ZMYM2: variants seen among roughly 807,000 people sequenced by gnomAD.
ZMYM2 encodes zinc finger MYM-type protein 2.
ZMYM2 carries 56 observed loss-of-function variants against 162.8 expected under a neutral mutation model. That is an observed-to-expected ratio of 0.34 (90% CI 0.28 to 0.43). The LOEUF (loss-of-function observed/expected upper bound fraction) is 0.43, where lower values mean the gene tolerates loss of function less well. Ranked by LOEUF, ZMYM2 falls within the 20% of genes least tolerant of loss-of-function variation. The pLI, the probability that ZMYM2 is intolerant of heterozygous loss-of-function variation, is 1.00. For synonymous variants in ZMYM2, 510 were observed against 541.6 expected (o/e 0.94, Z 0.81); for missense variants, 1,275 against 1,621.8 (o/e 0.79, Z 3.67).
chr13:20,015,850 T>C (rs139827705), intron 6 of ZMYM2, among the ~76,000 whole-genome samples: 158 of 152,184 alleles, frequency 1.0e-3, no homozygotes, highest in Admixed American at 8.6e-3. Flanking sequence ...ATCCTTTTAC[T>C]TTTGACCTGT....
chr13:19,922,432 T>C, the ZMYM2 span, among the ~76,000 whole-genome samples: 1 of 152,230 alleles, frequency 6.6e-6, no homozygotes, highest in African/African-American at 2.4e-5. Flanking sequence ...ACGTCATACA[T>C]GCTTCTAGGG....
At chr13:19,868,797 C>T in the ZMYM2 span, among the ~76,000 whole-genome samples, 1 of 152,278 alleles carries the variant, frequency 6.6e-6, no homozygotes, top group African/African-American at 2.4e-5. Context: ...GTTGCCCAGG[C>T]TGGAGTGCAG....
chr13:20,074,653 C>T (rs1326167880), intron 21 of ZMYM2, among the ~76,000 whole-genome samples: 1 of 151,976 alleles, frequency 6.6e-6, no homozygotes, highest in East Asian at 1.9e-4. Flanking sequence ...ATTCTCCTGC[C>T]TCAGCCTCCC....
upstream of ZMYM2, among the ~76,000 whole-genome samples, chr13:19,955,212 T>C (rs1041844412): frequency 6.6e-6 from 1 of 152,038 alleles, no homozygotes; most frequent in South Asian, 2.1e-4. Context: ...GATATCAATA[T>C]GGTCCTAGTA....
At chr13:19,870,092 CAT>C in the ZMYM2 span, among the ~76,000 whole-genome samples, 3 of 152,194 alleles carry the variant, frequency 2.0e-5, no homozygotes, top group Admixed American at 6.6e-5. Flanking sequence ...TAAGCCCACT[CAT>C]GTGGCTATTA....
intron 21 of ZMYM2, among the ~76,000 whole-genome samples, chr13:20,078,593 C>T (rs1328864016): frequency 3.3e-5 from 5 of 152,060 alleles, no homozygotes; most frequent in Admixed American, 3.3e-4. Context: ...GTACTAGTAC[C>T]ATAATTTCTG....
At chr13:19,917,252 A>G in the ZMYM2 span, among the ~76,000 whole-genome samples, 60 of 151,922 alleles carry the variant, frequency 3.9e-4, no homozygotes, top group South Asian at 8.4e-4. Context: ...ATGAGCCACC[A>G]CGCCCGGCTT....
intron 21 of ZMYM2, among the ~76,000 whole-genome samples, chr13:20,077,973 A>G (rs1362493714): frequency 6.7e-6 from 1 of 150,276 alleles, no homozygotes; most frequent in Non-Finnish European, 1.5e-5. Context: ...GCCCGCCACC[A>G]CGCCCGGCTA....
chr13:19,979,376 G>A lies in ZMYM2; in HGVS notation c.-10-13687G>A, dbSNP rs575537794. 1.4e-3 allele frequency among the ~76,000 whole-genome samples: 209 copies of A among 149,582 alleles called. 1 individual carries two copies. The highest frequency in any genetic ancestry group is 5.5e-3 in the South Asian group (26 of 4,758). On this transcript the variant is annotated intron_variant, in intron 2 of 24. Transcript: ENST00000610343. Reference sequence around the variant, plus strand: ...CTGATTCCCCCAGTCTTTATAGATCGCAGATTTTTTACTTGTTGAGGGATA... The same window carrying A: ...CTGATTCCCCCAGTCTTTATAGATCACAGATTTTTTACTTGTTGAGGGATA...
At chr13:20,010,538 G>A (rs549756816) in intron 6 of ZMYM2, among the ~76,000 whole-genome samples, 14 of 152,176 alleles carry the variant, frequency 9.2e-5, no homozygotes, top group African/African-American at 2.6e-4. Flanking sequence ...GGCCATTTGT[G>A]TATCATCTTT....
chr13:19,949,984 AAAAG>A, the ZMYM2 span, among the ~76,000 whole-genome samples: 1 of 151,872 alleles, frequency 6.6e-6, no homozygotes, highest in East Asian at 1.9e-4. Context: ...GAAAGGAAGA[AAAAG>A]AAAGAAAGAC....
intron 2 of ZMYM2, among the ~76,000 whole-genome samples, chr13:19,980,176 G>A (rs1035443590): frequency 2.0e-5 from 3 of 151,654 alleles, no homozygotes; most frequent in Non-Finnish European, 2.9e-5. Context: ...GGGGTAGGTG[G>A]CTCCCCAAAT....
rs141405299 is a variant in ZMYM2 at position 20,000,170 on chromosome 13, T to C, written c.848-2680T>C. Among the ~76,000 whole-genome samples, 40 of 152,266 alleles carry C rather than the reference T, an allele frequency of 2.6e-4. 1 individual carries two copies. Among genetic ancestry groups the C allele is most frequent in the Admixed American group, 2.6e-3 (40 of 15,278 alleles). ...TAGAAGATCAAACCAACTATGACATTTCCTTAAGCCAAAGCTTAATCCAGA... is the reference window on the plus strand; with the variant it reads ...TAGAAGATCAAACCAACTATGACATCTCCTTAAGCCAAAGCTTAATCCAGA... On this transcript the variant is annotated intron_variant, in intron 3 of 24. Coordinates refer to ENST00000610343, the MANE Select transcript of ZMYM2 (RefSeq NM_197968.4).
chr13:19,967,155 C>T (rs1414242439), intron 2 of ZMYM2, among the ~76,000 whole-genome samples: 1 of 152,096 alleles, frequency 6.6e-6, no homozygotes, highest in South Asian at 2.1e-4. Context: ...CTTTTCCTAA[C>T]TCCTTTTGCT....
intron 1 of ZMYM2, among the ~76,000 whole-genome samples, chr13:19,959,048 G>C (rs916738044): frequency 6.6e-6 from 1 of 151,790 alleles, no homozygotes; most frequent in African/African-American, 2.4e-5. Context: ...GGGGCCTCGG[G>C]GGCAGCTCGG....
chr13:19,948,222 A>G, the ZMYM2 span, among the ~76,000 whole-genome samples: 13 of 152,160 alleles, frequency 8.5e-5, no homozygotes, highest in Non-Finnish European at 1.9e-4. Flanking sequence ...CTCCTACCAT[A>G]TGATCCAGTT....
the ZMYM2 span, among the ~76,000 whole-genome samples, chr13:19,936,411 G>T: frequency 6.6e-6 from 1 of 152,054 alleles, no homozygotes; most frequent in Non-Finnish European, 1.5e-5. Context: ...TTAGGAAGAG[G>T]TACGTAATTT....
chr13:20,025,471 A>G (rs987293844), intron 7 of ZMYM2: 7 of 169,640 alleles, frequency 4.1e-5, no homozygotes, highest in Non-Finnish European at 6.4e-5. Flanking sequence ...CCTGGGCTCA[A>G]GCAGTTCTCT....
At chr13:19,980,666 T>C (rs1957236881) in intron 2 of ZMYM2, among the ~76,000 whole-genome samples, 1 of 142,192 alleles carries the variant, frequency 7.0e-6, no homozygotes, top group African/African-American at 2.7e-5. Context: ...GGGACAAGAA[T>C]CACTTGAACC....
Sources: allele counts gnomAD v4.1 joint callset (sites outside exome capture counted in the v4.1 genomes callset), GRCh38; gene constraint gnomAD v4.1.1; transcripts MANE v1.5; gene names NCBI Gene and HGNC (gene_info 2026-07-23, HGNC 2026-07-21).